SRSF4: variants seen among roughly 807,000 people sequenced by gnomAD.
The protein encoded by SRSF4 is serine/arginine-rich splicing factor 4.
SRSF4 carries 12 observed loss-of-function variants against 48.8 expected under a neutral mutation model. That is an observed-to-expected ratio of 0.25 (90% confidence interval 0.16 to 0.40). SRSF4 has a LOEUF of 0.40. Among genes scored for constraint, SRSF4 ranks in the 10% least tolerant of loss-of-function variants. SRSF4 has a pLI of 1.00. For synonymous variants in SRSF4, 248 were observed against 232.5 expected (o/e 1.07, Z -0.61); for missense variants, 466 against 667.1 (o/e 0.70, Z 3.32).
rs745547552 is a variant in SRSF4, at chr1:29,148,370, A to C, written c.*40T>G. ...TGTGCTACGGCTACCAAACATGTACAAAAGACTTCTCGGGTAGTTCCAGCT... is the reference window on the plus strand; with the variant it reads ...TGTGCTACGGCTACCAAACATGTACCAAAGACTTCTCGGGTAGTTCCAGCT... On this transcript the variant is annotated 3_prime_UTR_variant, in exon 6 of 6. Coordinates refer to ENST00000373795, the MANE Select transcript of SRSF4 (RefSeq NM_005626.5). 16 of 1,554,202 alleles carry C rather than the reference A, an allele frequency of 1.0e-5. No individual in the cohort carries two copies. The South Asian group carries it at 1.7e-4, about 17-fold the overall frequency.
intron 3 of SRSF4, 138 bp downstream of exon 3, chr1:29,159,236 T>G (rs1672556567): frequency 1.1e-5 from 6 of 567,844 alleles, no homozygotes; most frequent in Non-Finnish European, 1.9e-5. Context: ...ATATGGCACT[T>G]TAATTATTTC....
In SRSF4 at chr1:29,181,660, C is replaced by T; in HGVS notation, c.93G>A (p.Val31=). ...FFKGYGKILE[V]DLKNGYGFVE... Reference sequence around the variant, plus strand: ...GCCCTCCTCACCCGTTCTTCAGATCCACCTCCAGGATCTTCCCGTAGCCCT... The same window carrying T: ...GCCCTCCTCACCCGTTCTTCAGATCTACCTCCAGGATCTTCCCGTAGCCCT... Residue 31 remains valine (V), a synonymous_variant, in exon 1 of 6, where the codon GTG becomes GTA. Coordinates refer to ENST00000373795, the MANE Select transcript of SRSF4 (RefSeq NM_005626.5). 1 of 1,592,554 alleles carries T rather than the reference C, an allele frequency of 6.3e-7. No homozygotes were observed. Among genetic ancestry groups the T allele is most frequent in the Non-Finnish European group, 8.5e-7 (1 of 1,171,142 alleles).
chr1:29,167,841 G>T (rs997953198), intron 1 of SRSF4, among the ~76,000 whole-genome samples: 4 of 152,084 alleles, frequency 2.6e-5, no homozygotes, highest in Admixed American at 6.5e-5. Context: ...TCATCCATTT[G>T]TATATCAAAT....
intron 1 of SRSF4, among the ~76,000 whole-genome samples, chr1:29,178,115 G>A (rs1298040611): frequency 1.3e-5 from 2 of 151,666 alleles, no homozygotes; most frequent in African/African-American, 4.8e-5. Context: ...GGCCAGGCTG[G>A]TCTCAAACCC....
At chr1:29,160,925 G>C (rs1002764816) in intron 1 of SRSF4, among the ~76,000 whole-genome samples, 17 of 152,138 alleles carry the variant, frequency 1.1e-4, no homozygotes, top group Admixed American at 1.1e-3. Flanking sequence ...AGAACAATTA[G>C]ACCTACATTC....
chr1:29,148,844 TGCTCTTGCTGCG>T lies in SRSF4; in HGVS notation c.1039_1050del (p.Arg347_Ser350del). The T allele has an allele frequency of 2.5e-6, 4 of 1,608,260 alleles. No homozygotes were observed. Among genetic ancestry groups the T allele is most frequent in the Non-Finnish European group, 3.4e-6 (4 of 1,176,496 alleles). Reference sequence around the variant, plus strand: ...CTCTTCCTGCCCTTCCTCTTGTCCTTGCTCTTGCTGCGGCTCCTGCTCCGGCTCCTGCTGCCC... The same window carrying T: ...CTCTTCCTGCCCTTCCTCTTGTCCTTGCTCCTGCTCCGGCTCCTGCTGCCC... On this transcript the variant is annotated inframe_deletion, in exon 6 of 6. Coordinates refer to ENST00000373795, the MANE Select transcript of SRSF4 (RefSeq NM_005626.5).
chr1:29,181,705 G>T lies in SRSF4; in HGVS notation c.48C>A (p.Arg16=). The T allele has an allele frequency of 1.3e-6, 2 of 1,596,116 alleles. No individual in the cohort carries two copies. The highest frequency in any genetic ancestry group is 1.7e-4 in the Middle Eastern group (1 of 6,022). The change falls in exon 1 of 6, where the codon CGC becomes CGA. Residue 16 remains arginine, a synonymous_variant. Coordinates refer to ENST00000373795, the MANE Select transcript of SRSF4 (RefSeq NM_005626.5). ...AGCCCTTAAAGAAGCGCTCCACATCGCGCTCCCGGGCCTGGTAGCTCAGGC... is the reference window on the plus strand; with the variant it reads ...AGCCCTTAAAGAAGCGCTCCACATCTCGCTCCCGGGCCTGGTAGCTCAGGC... ...IGRLSYQARE[R]DVERFFKGYG... is the part of the protein sequence containing the mutation.
intron 1 of SRSF4, chr1:29,170,636 G>T (rs1042037329): frequency 6.6e-6 from 1 of 152,082 alleles, no homozygotes. Flanking sequence ...GTATTTTAAT[G>T]AATTTTTCAA....
intron 1 of SRSF4, among the ~76,000 whole-genome samples, chr1:29,180,080 T>C (rs1672931287): frequency 6.6e-6 from 1 of 152,236 alleles, no homozygotes; most frequent in Admixed American, 6.5e-5. Context: ...GCTTTACATT[T>C]ATTATCTCTA....
At chr1:29,155,508 A>G (rs1672487034) in intron 3 of SRSF4, among the ~76,000 whole-genome samples, 2 of 152,212 alleles carry the variant, frequency 1.3e-5, no homozygotes, top group South Asian at 4.1e-4. Context: ...AAACAAACAA[A>G]AAACAGAGTC....
At chr1:29,170,240 A>G (rs151166576) in intron 1 of SRSF4, 321 of 152,226 alleles carry the variant, frequency 2.1e-3, no homozygotes, top group African/African-American at 7.3e-3. Context: ...ACCACAAATT[A>G]AAAACGATTT....
intron 3 of SRSF4, among the ~76,000 whole-genome samples, chr1:29,156,438 T>A (rs1337343441): frequency 6.6e-6 from 1 of 152,160 alleles, no homozygotes; most frequent in Non-Finnish European, 1.5e-5. Context: ...ATAGCTAACA[T>A]ACATTGTGCC....
chr1:29,150,034 G>GA (rs1232771492), intron 5 of SRSF4, 69 bp downstream of exon 5: 36 of 1,310,828 alleles, frequency 2.7e-5, no homozygotes, highest in Middle Eastern at 1.9e-4. Context: ...AAAAAAAAAA[G>GA]AAAAAAAAGT....
In SRSF4 at chr1:29,148,432, G is replaced by C. The variant is rs1259637700; in HGVS notation, c.1463C>G (p.Ser488Cys). 6.2e-7 allele frequency: 1 copy of C among 1,605,176 alleles called. No homozygotes were observed. Among genetic ancestry groups the C allele is most frequent in the East Asian group, 2.2e-5 (1 of 44,860 alleles). The change falls in exon 6 of 6, where the codon TCT becomes TGT. Residue 488 changes from serine to cysteine, a missense_variant. Coordinates refer to ENST00000373795, the MANE Select transcript of SRSF4 (RefSeq NM_005626.5). ...SASRSPSRSR[S>C]RSHSRS is the part of the protein sequence containing the mutation. ...CAGTTAGGACCTTGAGTGGGACCTA[G>C]ATCTAGATCGGGAGGGCGATCTGGA...
intron 1 of SRSF4, chr1:29,171,470 C>T (rs1246160743): frequency 6.6e-6 from 1 of 150,472 alleles, no homozygotes; most frequent in African/African-American, 2.5e-5. Flanking sequence ...ATTTTGTAAC[C>T]TTGGGCCAGT....
rs375392523 is a variant in SRSF4, at chr1:29,181,818, G to A, written c.-66C>T. ...CCTTAGGCGGCGGCGGGCAAAGCGA[G>A]AGCACGGCGGCAGCGGCGGCGGCGG... On this transcript the variant is annotated 5_prime_UTR_variant, in exon 1 of 6. Coordinates refer to ENST00000373795, the MANE Select transcript of SRSF4 (RefSeq NM_005626.5). The A allele has an allele frequency of 7.4e-7, 1 of 1,359,532 alleles. No individual in the cohort carries two copies. Among genetic ancestry groups the A allele is most frequent in the East Asian group, 2.9e-5 (1 of 34,928 alleles). 84.2% of individuals were successfully genotyped at this position (1,359,532 alleles called of 1,614,324 possible).
chr1:29,154,703 G>A lies in SRSF4; in HGVS notation c.571C>T (p.His191Tyr), dbSNP rs1672471410. 1 of 1,614,054 alleles carries A rather than the reference G, an allele frequency of 6.2e-7. No homozygotes were observed. Among genetic ancestry groups the A allele is most frequent in the South Asian group, 1.1e-5 (1 of 91,074 alleles). ...AAAAGACATCAACAGTACCTTGAAT[G>A]ACTCCGGCTTCTGGAGTAGGACCGG... ...RRRSYSRSRSHSRSRSRSRHS... is the reference protein window; with the variant it reads ...RRRSYSRSRSYSRSRSRSRHS... Residue 191 changes from histidine (H) to tyrosine (Y), a missense_variant, in exon 4 of 6, where the codon CAT becomes TAT. Transcript: ENST00000373795.
chr1:29,171,134 A>C (rs1458588113), intron 1 of SRSF4: 1 of 152,142 alleles, frequency 6.6e-6, no homozygotes, highest in Non-Finnish European at 1.5e-5. Flanking sequence ...TTCCTCAGCC[A>C]ACCACGATAA....
At chr1:29,175,628 G>C (rs1383621524) in intron 1 of SRSF4, among the ~76,000 whole-genome samples, 1 of 135,380 alleles carries the variant, frequency 7.4e-6, no homozygotes, top group African/African-American at 2.8e-5. Context: ...CCAGGAGGCG[G>C]AGCTTGCAGT....
Sources: allele counts gnomAD v4.1 joint callset (sites outside exome capture counted in the v4.1 genomes callset), GRCh38; gene constraint gnomAD v4.1.1; transcripts MANE v1.5; gene names NCBI Gene and HGNC (gene_info 2026-07-23, HGNC 2026-07-21).